The following TRPS1 variants were observed in gnomAD, a reference collection of about 807,000 sequenced individuals.
The protein encoded by TRPS1 is transcriptional repressor GATA binding 1.
Under a neutral mutation model 101.2 loss-of-function variants are expected in TRPS1, and 6 were observed. The observed-to-expected ratio is 0.06, with a 90% CI of 0.03 to 0.12. The LOEUF is 0.12. TRPS1 is among the 10% of genes least tolerant of loss of function. The pLI is 1.00. For missense variants in TRPS1, 1,363 were observed against 1,567.0 expected (o/e 0.87, Z 2.20); for synonymous variants, 578 against 589.8 (o/e 0.98, Z 0.29).
chr8:115,498,415 C>CTCTA (rs1486361297), intron 5 of TRPS1, among the ~76,000 whole-genome samples: 75 of 39,312 alleles, frequency 1.9e-3, no homozygotes, highest in Non-Finnish European at 2.1e-3. Flanking sequence ...CTCTCTCTCT[C>CTCTA]TATATATATA....
At position 115,619,149 on chromosome 8, in the gene TRPS1, C is replaced by T. The variant is rs554610762; in HGVS notation, c.949G>A (p.Gly317Arg). The T allele has an allele frequency of 1.2e-6, 2 of 1,614,124 alleles. No homozygotes were observed. The highest frequency in any genetic ancestry group is 1.3e-5 in the African/African-American group (1 of 75,028). ...INSSRPVLLNGTYDVQVTSGG... is the reference protein window; with the variant it reads ...INSSRPVLLNRTYDVQVTSGG... Reference sequence around the variant, plus strand: ...GTACAAACCTGCACATCATAGGTCCCATTTAGTAAAACAGGCCTTGAAGAA... The same window carrying T: ...GTACAAACCTGCACATCATAGGTCCTATTTAGTAAAACAGGCCTTGAAGAA... The change falls in exon 3 of 7, where the codon GGG becomes AGG. Residue 317 changes from glycine to arginine, a missense_variant. Coordinates refer to ENST00000395715, the MANE Select transcript of TRPS1 (RefSeq NM_014112.5).
At chr8:115,467,631 T>G (rs149405286) in intron 5 of TRPS1, among the ~76,000 whole-genome samples, 1 of 152,044 alleles carries the variant, frequency 6.6e-6, no homozygotes, top group Admixed American at 6.6e-5. Flanking sequence ...GGAAATGACA[T>G]TAACAGACAT....
chr8:115,574,741 C>CGTAT (rs71566092), intron 5 of TRPS1, among the ~76,000 whole-genome samples: 1 of 150,410 alleles, frequency 6.6e-6, no homozygotes, highest in Admixed American at 6.6e-5. Context: ...AGTTAAATCC[C>CGTAT]ATATATATAT....
At chr8:115,500,272 C>A (rs1210000676) in intron 5 of TRPS1, among the ~76,000 whole-genome samples, 1 of 152,058 alleles carries the variant, frequency 6.6e-6, no homozygotes. Flanking sequence ...TTGTGATCTA[C>A]CCGCCTTGGC....
Position 115,504,572 on chromosome 8 carries a change from G to GT in TRPS1, c.2700+82428dup, listed in dbSNP as rs972696664. Reference sequence around the variant, plus strand: ...TTGCCCTACCTTTAAACACAGTTGTGTATGTGTGTTTGGTTGGTTGTTTTT... The same window carrying GT: ...TTGCCCTACCTTTAAACACAGTTGTGTTATGTGTGTTTGGTTGGTTGTTTTT... On this transcript the variant is annotated intron_variant, in intron 5 of 6. Coordinates refer to ENST00000395715, the MANE Select transcript of TRPS1 (RefSeq NM_014112.5). 6.0e-3 allele frequency among the ~76,000 whole-genome samples: 917 copies of GT among 152,290 alleles called. 8 individuals are homozygous for GT. Among genetic ancestry groups the GT allele is most frequent in the African/African-American group, 0.02 (835 of 41,570 alleles).
At chr8:115,473,420 C>T (rs1332077444) in intron 5 of TRPS1, among the ~76,000 whole-genome samples, 1 of 152,188 alleles carries the variant, frequency 6.6e-6, no homozygotes. Context: ...TCAATTACCT[C>T]CCACCAGGTC....
intron 5 of TRPS1, among the ~76,000 whole-genome samples, chr8:115,540,754 C>A (rs1463106534): frequency 6.6e-6 from 1 of 151,860 alleles, no homozygotes; most frequent in African/African-American, 2.4e-5. Context: ...TTTACATAAA[C>A]TTGTGCACAT....
At chr8:115,630,894 CA>C in intron 1 of TRPS1, among the ~76,000 whole-genome samples, 2 of 152,080 alleles carry the variant, frequency 1.3e-5, no homozygotes, top group Admixed American at 1.3e-4. Context: ...TTAACCAATG[CA>C]AAAAGTGATA....
chr8:115,530,489 AC>A (rs1816103609), intron 5 of TRPS1, among the ~76,000 whole-genome samples: 1 of 152,094 alleles, frequency 6.6e-6, no homozygotes, highest in African/African-American at 2.4e-5. Flanking sequence ...AAAATAATCC[AC>A]CCTGATTGAA....
intron 5 of TRPS1, among the ~76,000 whole-genome samples, chr8:115,525,210 C>A (rs147100614): frequency 6.6e-6 from 1 of 152,014 alleles, no homozygotes; most frequent in South Asian, 2.1e-4. Context: ...TATGAACATA[C>A]GAGGATTGTA....
chr8:115,661,326 G>A (rs934982284), intron 1 of TRPS1, among the ~76,000 whole-genome samples: 12 of 151,944 alleles, frequency 7.9e-5, no homozygotes, highest in Admixed American at 7.2e-4. Flanking sequence ...TTCAAGCACA[G>A]AGTTAATAGT....
At chr8:115,475,266 T>TTTTATATA (rs1416101277) in intron 5 of TRPS1, among the ~76,000 whole-genome samples, 54 of 124,004 alleles carry the variant, frequency 4.4e-4, no homozygotes, top group African/African-American at 1.7e-3. Context: ...TGAATCACAG[T>TTTTATATA]TATATATATA....
At chr8:115,651,978 A>G (rs1303766652) in intron 1 of TRPS1, among the ~76,000 whole-genome samples, 2 of 152,342 alleles carry the variant, frequency 1.3e-5, no homozygotes, top group East Asian at 1.9e-4. Flanking sequence ...GCTGAAGGCC[A>G]CTGATATGGG....
At chr8:115,480,976 G>A (rs999532538) in intron 5 of TRPS1, among the ~76,000 whole-genome samples, 3 of 152,200 alleles carry the variant, frequency 2.0e-5, no homozygotes, top group African/African-American at 7.2e-5. Flanking sequence ...TACTTTAGGA[G>A]AAAATATTAA....
intron 5 of TRPS1, among the ~76,000 whole-genome samples, chr8:115,422,569 T>C (rs1813093575): frequency 6.6e-6 from 1 of 152,142 alleles, no homozygotes; most frequent in African/African-American, 2.4e-5. Context: ...TTTCACCACG[T>C]TGACCAGCCT....
chr8:115,448,281 T>G (rs914600378), intron 5 of TRPS1, among the ~76,000 whole-genome samples: 6 of 152,186 alleles, frequency 3.9e-5, no homozygotes, highest in African/African-American at 1.4e-4. Flanking sequence ...ATTCTTGTGA[T>G]GTTTGAGAAA....
chr8:115,647,946 C>A (rs1811457306), intron 1 of TRPS1, among the ~76,000 whole-genome samples: 1 of 151,846 alleles, frequency 6.6e-6, no homozygotes, highest in African/African-American at 2.4e-5. Context: ...CAGAGATTTC[C>A]TCCCATAGTA....
intron 5 of TRPS1, among the ~76,000 whole-genome samples, chr8:115,437,400 T>C (rs1462234831): frequency 6.6e-6 from 1 of 152,220 alleles, no homozygotes; most frequent in African/African-American, 2.4e-5. Context: ...AAAGCCCTTG[T>C]GGCCAGCTCA....
At chr8:115,607,376 T>C (rs1336673202) in intron 3 of TRPS1, among the ~76,000 whole-genome samples, 1 of 150,808 alleles carries the variant, frequency 6.6e-6, no homozygotes, top group Non-Finnish European at 1.5e-5. Flanking sequence ...TTAACTAAGC[T>C]ATAAAAAACG....
Sources: allele counts gnomAD v4.1 joint callset (sites outside exome capture counted in the v4.1 genomes callset), GRCh38; gene constraint gnomAD v4.1.1; transcripts MANE v1.5; gene names NCBI Gene and HGNC (gene_info 2026-07-23, HGNC 2026-07-21).